Variants in MTMR9 observed in about 807,000 individuals in gnomAD.
MTMR9 encodes the protein myotubularin-related protein 9.
Under a neutral mutation model 69.5 loss-of-function variants are expected in MTMR9, and 39 were observed. The observed-to-expected ratio is 0.56, with a 90% CI of 0.43 to 0.73. The LOEUF (loss-of-function observed/expected upper bound fraction) is 0.73. MTMR9 is among the 30% of genes least tolerant of loss of function. MTMR9 has a pLI of 0.00. For synonymous variants in MTMR9, 354 were observed against 240.8 expected (o/e 1.47, Z -4.35); for missense variants, 900 against 671.2 (o/e 1.34, Z -3.77).
the MTMR9 span, among the ~76,000 whole-genome samples, chr8:11,333,563 A>G: frequency 2.0e-5 from 3 of 152,240 alleles, no homozygotes; most frequent in Non-Finnish European, 4.4e-5. Flanking sequence ...CATATGAAGA[A>G]AGAAGTATCT....
At chr8:11,329,806 G>A (rs1243358138), downstream of MTMR9, among the ~76,000 whole-genome samples, 5 of 151,080 alleles carry the variant, frequency 3.3e-5, no homozygotes, top group African/African-American at 1.2e-4. Context: ...CCCTCTGCCC[G>A]GCTGCCCAGT....
At chr8:11,290,625 A>G (rs1369163960) in intron 1 of MTMR9, among the ~76,000 whole-genome samples, 5 of 152,040 alleles carry the variant, frequency 3.3e-5, no homozygotes, top group African/African-American at 1.2e-4. Context: ...CTTTGTTTCA[A>G]GTGTGATAAG....
chr8:11,287,841 A>G (rs7836927), intron 1 of MTMR9, among the ~76,000 whole-genome samples: 1 of 122,864 alleles, frequency 8.1e-6, no homozygotes, highest in Non-Finnish European at 1.6e-5. Flanking sequence ...AACATTATAT[A>G]TTTTATTATA....
chr8:11,291,311 C>A (rs956966750), intron 1 of MTMR9, among the ~76,000 whole-genome samples: 3 of 152,036 alleles, frequency 2.0e-5, no homozygotes, highest in African/African-American at 7.2e-5. Context: ...GTACTAGGAG[C>A]TGAGGATATA....
intron 3 of MTMR9, among the ~76,000 whole-genome samples, chr8:11,304,535 G>A (rs992932238): frequency 1.3e-5 from 2 of 152,200 alleles, no homozygotes; most frequent in Non-Finnish European, 2.9e-5. Flanking sequence ...TAGGGAACTT[G>A]TACGGTGTTG....
At chr8:11,285,272 C>T (rs1218339572) in intron 1 of MTMR9, 2 of 536,842 alleles carry the variant, frequency 3.7e-6, no homozygotes, top group Non-Finnish European at 6.5e-6. Context: ...GGATGGAGTT[C>T]TCAGGGTTAT....
At chr8:11,320,177 T>G (rs935567490) in intron 9 of MTMR9, 2 of 208,882 alleles carry the variant, frequency 9.6e-6, no homozygotes, top group Non-Finnish European at 1.9e-5. Flanking sequence ...AGGGAGAGTT[T>G]CTGTCCCTTA....
chr8:11,304,798 A>T lies in MTMR9; in HGVS notation c.418-43A>T, dbSNP rs140404266. On this transcript the variant is annotated intron_variant, in intron 3 of 9. Coordinates refer to ENST00000221086, the MANE Select transcript of MTMR9 (RefSeq NM_015458.4). The stretch of plus-strand genomic sequence containing the variant: ...AAAATTTCTCAGATTATTTTGCGAC[A>T]TTGAGATAGTTGCTTAGCTTTGAAG... The T allele has an allele frequency of 6.3e-6, 10 of 1,590,490 alleles. No homozygotes were observed. In the South Asian group the frequency reaches 1.0e-4, roughly 16 times the overall value.
At chr8:11,296,619 G>C (rs1345368086) in intron 2 of MTMR9, among the ~76,000 whole-genome samples, 1 of 152,068 alleles carries the variant, frequency 6.6e-6, no homozygotes, top group Non-Finnish European at 1.5e-5. Context: ...TCTCATATAA[G>C]TAGAATCATA....
At chr8:11,293,841 G>A (rs1352067535) in intron 1 of MTMR9, among the ~76,000 whole-genome samples, 1 of 149,980 alleles carries the variant, frequency 6.7e-6, no homozygotes, top group African/African-American at 2.4e-5. Flanking sequence ...AATTGTCTTC[G>A]TATCTCTGTT....
chr8:11,333,636 C>T, the MTMR9 span, among the ~76,000 whole-genome samples: 2 of 152,092 alleles, frequency 1.3e-5, no homozygotes, highest in African/African-American at 4.8e-5. Context: ...TAGTTTATAA[C>T]ATCAGTTTTT....
intron 1 of MTMR9, among the ~76,000 whole-genome samples, chr8:11,294,356 A>G (rs1375859246): frequency 1.3e-5 from 2 of 151,996 alleles, no homozygotes; most frequent in African/African-American, 2.4e-5. Context: ...GTGCTATTAG[A>G]TTTAGGGGTT....
chr8:11,324,058 G>A lies in MTMR9; in HGVS notation c.*1270G>A, dbSNP rs1585140384. Reference sequence around the variant, plus strand: ...ATTGCTCATTTTAACAAATATGACCGAGTCTAGTTTTTCTTTAAAAGGATA... The same window carrying A: ...ATTGCTCATTTTAACAAATATGACCAAGTCTAGTTTTTCTTTAAAAGGATA... On this transcript the variant is annotated 3_prime_UTR_variant, in exon 10 of 10. Coordinates refer to ENST00000221086, the MANE Select transcript of MTMR9 (RefSeq NM_015458.4). 2 of 152,126 alleles carry A rather than the reference G, an allele frequency of 1.3e-5. No homozygotes were observed. Among genetic ancestry groups the A allele is most frequent in the Admixed American group, 6.5e-5 (1 of 15,276 alleles). The allele number at this position is 152,126 out of a possible 1,614,324, so 9.4% of individuals were successfully genotyped here.
chr8:11,334,146 C>T, the MTMR9 span, among the ~76,000 whole-genome samples: 1 of 152,090 alleles, frequency 6.6e-6, no homozygotes, highest in Non-Finnish European at 1.5e-5. Flanking sequence ...GAGCCTTGAG[C>T]CAGATAAACT....
At chr8:11,328,980 A>G (rs893492739), downstream of MTMR9, among the ~76,000 whole-genome samples, 2 of 152,182 alleles carry the variant, frequency 1.3e-5, no homozygotes, top group African/African-American at 4.8e-5. Context: ...TAAGGGCCCA[A>G]TTTCATTATT....
chr8:11,307,860 A>G (rs921777385), intron 5 of MTMR9, among the ~76,000 whole-genome samples: 5 of 152,130 alleles, frequency 3.3e-5, no homozygotes, highest in East Asian at 3.9e-4. Context: ...CTTTTGAGAA[A>G]TGTCTGTTCA....
chr8:11,327,823 CACATAT>C lies in MTMR9; in HGVS notation c.*5041_*5046del, dbSNP rs1801006979. The C allele has an allele frequency of 7.2e-5, 11 of 152,120 alleles. No individual in the cohort carries two copies. Among genetic ancestry groups the C allele is most frequent in the Admixed American group, 7.2e-4 (11 of 15,230 alleles). 9.4% of individuals were successfully genotyped at this position (152,120 alleles called of 1,614,324 possible). ...TATTGTGAACCTGTGTACGCACACA[CACATAT>C]ACATACAGTCTTAGGGAAAAAAAAA... On this transcript the variant is annotated 3_prime_UTR_variant, in exon 10 of 10. Coordinates refer to ENST00000221086, the MANE Select transcript of MTMR9 (RefSeq NM_015458.4).
chr8:11,329,873 GTC>G (rs1801127163), downstream of MTMR9, among the ~76,000 whole-genome samples: 1 of 151,434 alleles, frequency 6.6e-6, no homozygotes, highest in African/African-American at 2.4e-5. Flanking sequence ...AGTGAGGAGC[GTC>G]TCTGCCCAGC....
At position 11,290,038 on chromosome 8, in the gene MTMR9, T is replaced by C. The variant is rs142383065; in HGVS notation, c.182+4968T>C. 8.5e-4 allele frequency among the ~76,000 whole-genome samples: 129 copies of C among 152,320 alleles called. 1 individual carries two copies. Among genetic ancestry groups the C allele is most frequent in the African/African-American group, 2.9e-3 (122 of 41,566 alleles). On this transcript the variant is annotated intron_variant, in intron 1 of 9. Transcript: ENST00000221086. ...TGCGTATCTCATTTCACAAACTAAT[T>C]GCTTTCCAGGATGACAATTGCACAT...
Sources: allele counts gnomAD v4.1 joint callset (sites outside exome capture counted in the v4.1 genomes callset), GRCh38; gene constraint gnomAD v4.1.1; transcripts MANE v1.5; gene names NCBI Gene and HGNC (gene_info 2026-07-23, HGNC 2026-07-21).